ZNF562: variants seen among roughly 807,000 people sequenced by gnomAD.
The protein encoded by ZNF562 is zinc finger protein 562.
Under a neutral mutation model 17.5 loss-of-function variants are expected in ZNF562, and 13 were observed. The ratio of observed to expected loss-of-function variants is 0.74; its 90% confidence interval spans 0.48 to 1.18. ZNF562 has a LOEUF of 1.18. Ranked by LOEUF, ZNF562 falls within the 50% of genes most tolerant of loss-of-function variation. ZNF562 has a pLI of 0.00. For synonymous variants in ZNF562, 163 were observed against 165.4 expected (o/e 0.99, Z 0.11); for missense variants, 481 against 498.5 (o/e 0.96, Z 0.33).
intron 3 of ZNF562, 125 bp from the exon 4 acceptor site, chr19:9,658,260 C>G (rs2144987428): frequency 7.3e-7 from 1 of 1,376,416 alleles, no homozygotes; most frequent in East Asian, 2.6e-5. Flanking sequence ...TGATCTACTC[C>G]AGGGTTTAAT....
chr19:9,654,756 T>C (rs1402554346), intron 5 of ZNF562, among the ~76,000 whole-genome samples: 1 of 152,098 alleles, frequency 6.6e-6, no homozygotes, highest in Non-Finnish European at 1.5e-5. Flanking sequence ...CTCAATTTAT[T>C]TTTATAGAGA....
intron 1 of ZNF562, among the ~76,000 whole-genome samples, chr19:9,671,806 C>A (rs929627006): frequency 4.6e-5 from 7 of 152,204 alleles, no homozygotes; most frequent in African/African-American, 1.7e-4. Context: ...CCCTCTTGTG[C>A]AGATTAACTG....
rs2044007195 is a variant in ZNF562 at position 9,667,782 on chromosome 19, AG to A, written c.-130-6909del. Among the ~76,000 whole-genome samples, 6 of 151,566 alleles carry A rather than the reference AG, an allele frequency of 4.0e-5. No individual in the cohort carries two copies. The South Asian group carries it at 1.2e-3, about 32-fold the overall frequency. On this transcript the variant is annotated intron_variant, in intron 1 of 5. Coordinates refer to ENST00000453372, the MANE Select transcript of ZNF562 (RefSeq NM_001130031.2). ...TTTTTTTTTTAGAGACTGGGGGCAG[AG>A]GGGTCCTCAATATATTACCCAGGCT...
At chr19:9,662,709 G>A (rs962403017) in intron 1 of ZNF562, among the ~76,000 whole-genome samples, 1 of 151,684 alleles carries the variant, frequency 6.6e-6, no homozygotes, top group African/African-American at 2.4e-5. Context: ...ATGAAACCCC[G>A]TCTCTACTAA....
intron 1 of ZNF562, among the ~76,000 whole-genome samples, chr19:9,674,092 C>A (rs527864269): frequency 6.6e-6 from 1 of 152,284 alleles, no homozygotes; most frequent in South Asian, 2.1e-4. Flanking sequence ...GAAAGTGGCC[C>A]CTGCCGCTTT....
At chr19:9,658,498 C>A in intron 3 of ZNF562, 1 of 234,116 alleles carries the variant, frequency 4.3e-6, no homozygotes, top group Non-Finnish European at 7.0e-6. Flanking sequence ...TACAGGCATG[C>A]AACATCACGC....
At chr19:9,660,257 G>T (rs953925309) in intron 2 of ZNF562, among the ~76,000 whole-genome samples, 7 of 151,116 alleles carry the variant, frequency 4.6e-5, no homozygotes, top group African/African-American at 1.7e-4. Context: ...AGCAAGATTC[G>T]GTCTCAAAAA....
In ZNF562 at chr19:9,649,476, A is replaced by G. The variant is rs1303664543; in HGVS notation, c.*3473T>C. 6.6e-6 allele frequency: 1 copy of G among 152,186 alleles called. No homozygotes were observed. Among genetic ancestry groups the G allele is most frequent in the Non-Finnish European group, 1.5e-5 (1 of 68,024 alleles). The allele number at this position is 152,186 out of a possible 1,614,324, so 9.4% of individuals were successfully genotyped here. On this transcript the variant is annotated 3_prime_UTR_variant, in exon 6 of 6. Transcript: ENST00000453372. ...AAGCAAATGGGAGAAATATCACTGA[A>G]TTCTTTTTCTCAGCAAGGAACATCC...
intron 1 of ZNF562, among the ~76,000 whole-genome samples, chr19:9,666,193 G>T (rs546146513): frequency 6.6e-6 from 1 of 151,730 alleles, no homozygotes; most frequent in African/African-American, 2.4e-5. Flanking sequence ...ACATGGTGGT[G>T]CATGCCTGTA....
chr19:9,655,736 TTTTTTTTTTTTTTTTTA>T (rs2043451367), intron 5 of ZNF562, among the ~76,000 whole-genome samples: 1 of 115,844 alleles, frequency 8.6e-6, no homozygotes, highest in Non-Finnish European at 1.9e-5. Flanking sequence ...TTTTTTTTTT[TTTTTTTTTTTTTTTTTA>T]GATGGAGTCT....
Position 9,644,024 on chromosome 19 carries a change from A to T in ZNF562, c.*8925T>A, listed in dbSNP as rs934181222. The T allele has an allele frequency of 6.6e-6, 1 of 151,442 alleles. No homozygotes were observed. The highest frequency in any genetic ancestry group is 2.4e-5 in the African/African-American group (1 of 41,196). 9.4% of individuals were successfully genotyped at this position (151,442 alleles called of 1,614,324 possible). ...TTTTAGCCAGGATCATCTCAATCTG[A>T]CCTTGTGATCCACCTGCCTCAGCCT... On this transcript the variant is annotated 3_prime_UTR_variant, in exon 6 of 6. Transcript: ENST00000453372.
intron 1 of ZNF562, among the ~76,000 whole-genome samples, chr19:9,664,823 C>T (rs920551027): frequency 2.4e-4 from 36 of 151,212 alleles, no homozygotes; most frequent in South Asian, 1.3e-3. Flanking sequence ...ACAGCCTGGG[C>T]GACAGAGTGA....
chr19:9,654,464 A>G (rs558920294), intron 5 of ZNF562, among the ~76,000 whole-genome samples: 1 of 151,794 alleles, frequency 6.6e-6, no homozygotes, highest in African/African-American at 2.4e-5. Flanking sequence ...TGATTTATTT[A>G]TTTATTTTAT....
At position 9,647,960 on chromosome 19, in the gene ZNF562, G is replaced by A. The variant is rs2074820348; in HGVS notation, c.*4989C>T. 1 of 152,182 alleles carries A rather than the reference G, an allele frequency of 6.6e-6. No homozygotes were observed. Among genetic ancestry groups the A allele is most frequent in the Non-Finnish European group, 1.5e-5 (1 of 68,048 alleles). The allele number at this position is 152,182 out of a possible 1,614,324, so 9.4% of individuals were successfully genotyped here. ...GTGGTTTCGCTATGTTGCCCAGGCT[G>A]GTTTGAACTCCTTGGCTCAAGGGAT... is the stretch of plus-strand genomic sequence containing the variant. On this transcript the variant is annotated 3_prime_UTR_variant, in exon 6 of 6. Coordinates refer to ENST00000453372, the MANE Select transcript of ZNF562 (RefSeq NM_001130031.2).
rs1396089489 is a variant in ZNF562, at chr19:9,649,786, T to C, written c.*3163A>G. ...GATCTCGCCCTGCCTCCACTTGCCT[T>C]GTGATATTCTATTACCTTGTAAAGT... On this transcript the variant is annotated 3_prime_UTR_variant, in exon 6 of 6. Transcript: ENST00000453372. The C allele has an allele frequency of 6.6e-6, 1 of 152,188 alleles. No individual in the cohort carries two copies. The highest frequency in any genetic ancestry group is 1.5e-5 in the Non-Finnish European group (1 of 68,042). 9.4% of individuals were successfully genotyped at this position (152,188 alleles called of 1,614,324 possible).
At chr19:9,673,007 C>G (rs2044256169) in intron 1 of ZNF562, among the ~76,000 whole-genome samples, 1 of 145,226 alleles carries the variant, frequency 6.9e-6, no homozygotes. Context: ...TTCCTGTTCT[C>G]CATGCCTCCT....
intron 1 of ZNF562, among the ~76,000 whole-genome samples, chr19:9,671,012 A>AAT (rs1187997816): frequency 6.6e-6 from 1 of 152,092 alleles, no homozygotes; most frequent in East Asian, 1.9e-4. Flanking sequence ...AAAAAAAAAA[A>AAT]AAAGAGGTTG....
At chr19:9,665,106 C>A (rs1031967407) in intron 1 of ZNF562, among the ~76,000 whole-genome samples, 3 of 151,886 alleles carry the variant, frequency 2.0e-5, no homozygotes, top group African/African-American at 7.3e-5. Context: ...CCTGAAGTCC[C>A]AGCTACTCAG....
intron 1 of ZNF562, among the ~76,000 whole-genome samples, chr19:9,673,005 C>T (rs1220676674): frequency 6.9e-6 from 1 of 145,226 alleles, no homozygotes; most frequent in Non-Finnish European, 1.6e-5. Context: ...CTTTCCTGTT[C>T]TCCATGCCTC....
Sources: allele counts gnomAD v4.1 joint callset (sites outside exome capture counted in the v4.1 genomes callset), GRCh38; gene constraint gnomAD v4.1.1; transcripts MANE v1.5; gene names NCBI Gene and HGNC (gene_info 2026-07-23, HGNC 2026-07-21).